Variants in FHIT observed in about 807,000 individuals in gnomAD.
The protein encoded by FHIT is fragile histidine triad diadenosine triphosphatase, also known as bis(5'-adenosyl)-triphosphatase.
A neutral mutation model predicts 17.9 loss-of-function variants in FHIT; 19 were observed. That is an observed-to-expected ratio of 1.06 (90% CI 0.74 to 1.56). The LOEUF is 1.56. FHIT is among the 40% of genes most tolerant of loss of function. The probability of loss-of-function intolerance (pLI) is 0.00; values close to 1 mark genes in which losing one functional copy is unlikely to be tolerated. For synonymous variants in FHIT, 81 were observed against 69.7 expected (o/e 1.16, Z -0.81); for missense variants, 248 against 189.2 (o/e 1.31, Z -1.82).
intron 5 of FHIT, among the ~76,000 whole-genome samples, chr3:60,027,149 A>AAAAAAAAAG (rs1700786619): frequency 9.1e-6 from 1 of 109,758 alleles, no homozygotes; most frequent in Non-Finnish European, 1.8e-5. Context: ...ACACACACAC[A>AAAAAAAAAG]AAATTAGTAA....
intron 4 of FHIT, among the ~76,000 whole-genome samples, chr3:60,707,106 G>A (rs142203270): frequency 6.6e-6 from 1 of 152,246 alleles, no homozygotes; most frequent in African/African-American, 2.4e-5. Context: ...AAATATTTCT[G>A]TAGGCATGAC....
At chr3:59,998,084 T>C (rs1699587873) in intron 7 of FHIT, among the ~76,000 whole-genome samples, 1 of 148,476 alleles carries the variant, frequency 6.7e-6, no homozygotes, top group Non-Finnish European at 1.5e-5. Flanking sequence ...TAGCCACTTC[T>C]ACACAGATCA....
chr3:59,766,645 G>A (rs1212126092), intron 8 of FHIT, among the ~76,000 whole-genome samples: 3 of 151,986 alleles, frequency 2.0e-5, no homozygotes, highest in Admixed American at 1.3e-4. Context: ...TATACATTTC[G>A]CATGCTTTCC....
chr3:59,867,309 T>C (rs1309698131), intron 8 of FHIT, among the ~76,000 whole-genome samples: 1 of 151,196 alleles, frequency 6.6e-6, no homozygotes, highest in East Asian at 2.0e-4. Context: ...AAAAGGATGA[T>C]TTCTAAGAAG....
intron 5 of FHIT, among the ~76,000 whole-genome samples, chr3:60,247,087 C>G (rs1705435002): frequency 6.6e-6 from 1 of 152,092 alleles, no homozygotes; most frequent in Non-Finnish European, 1.5e-5. Flanking sequence ...GATGTGTCAG[C>G]TCATCAACTG....
intron 4 of FHIT, among the ~76,000 whole-genome samples, chr3:60,614,669 T>C (rs952950948): frequency 2.0e-5 from 3 of 152,078 alleles, no homozygotes; most frequent in Admixed American, 2.0e-4. Flanking sequence ...GTATTCTATT[T>C]GGACATTACA....
intron 7 of FHIT, among the ~76,000 whole-genome samples, chr3:59,944,087 A>T (rs561913567): frequency 6.6e-6 from 1 of 152,256 alleles, no homozygotes; most frequent in African/African-American, 2.4e-5. Context: ...AAGTTTTAGA[A>T]ACACTTGCTT....
At chr3:60,250,971 T>C (rs1226826586) in intron 5 of FHIT, among the ~76,000 whole-genome samples, 2 of 152,170 alleles carry the variant, frequency 1.3e-5, no homozygotes, top group East Asian at 1.9e-4. Context: ...AGAGGTGACA[T>C]TATGATTGCT....
chr3:61,199,576 G>A (rs897370307), intron 2 of FHIT, among the ~76,000 whole-genome samples: 2 of 151,946 alleles, frequency 1.3e-5, no homozygotes, highest in Admixed American at 6.6e-5. Context: ...TATCTAAAAG[G>A]GGTTTTCTCC....
intron 7 of FHIT, among the ~76,000 whole-genome samples, chr3:59,973,903 A>G (rs925396845): frequency 2.6e-5 from 4 of 151,948 alleles, no homozygotes; most frequent in Non-Finnish European, 5.9e-5. Flanking sequence ...TTGTGGTACT[A>G]TTAAGTAGGA....
chr3:60,341,629 G>C (rs1367266943), intron 5 of FHIT, among the ~76,000 whole-genome samples: 6 of 152,044 alleles, frequency 3.9e-5, no homozygotes, highest in Non-Finnish European at 8.8e-5. Context: ...GGTAGGAAAT[G>C]CTATATGCTT....
chr3:61,092,817 T>C (rs549177536), intron 2 of FHIT, among the ~76,000 whole-genome samples: 1 of 152,084 alleles, frequency 6.6e-6, no homozygotes, highest in Non-Finnish European at 1.5e-5. Context: ...TGAGAAAGGA[T>C]TGACAATAAA....
chr3:60,600,125 C>T (rs1553668252), intron 4 of FHIT, among the ~76,000 whole-genome samples: 1 of 152,124 alleles, frequency 6.6e-6, no homozygotes, highest in African/African-American at 2.4e-5. Context: ...GCCCAGAAGG[C>T]ACTTAGAGCT....
At chr3:60,442,138 GCATAAGC>G (rs1402643760) in intron 5 of FHIT, among the ~76,000 whole-genome samples, 2 of 151,874 alleles carry the variant, frequency 1.3e-5, no homozygotes, top group East Asian at 3.9e-4. Flanking sequence ...GGGATTGCAG[GCATAAGC>G]CACCATGCCC....
At chr3:59,913,168 T>C (rs1371010102) in intron 8 of FHIT, among the ~76,000 whole-genome samples, 4 of 152,172 alleles carry the variant, frequency 2.6e-5, no homozygotes, top group African/African-American at 9.7e-5. Flanking sequence ...CTAGGACTTA[T>C]AAATTTATTG....
chr3:61,187,882 A>G (rs1163006253), intron 2 of FHIT, among the ~76,000 whole-genome samples: 1 of 152,228 alleles, frequency 6.6e-6, no homozygotes, highest in East Asian at 1.9e-4. Flanking sequence ...TTTGAAACCA[A>G]TGAGAACAAA....
intron 4 of FHIT, among the ~76,000 whole-genome samples, chr3:60,807,839 T>TAA (rs34126858): frequency 0.31 from 45,762 of 146,404 alleles, 7,575 homozygotes; most frequent in Middle Eastern, 0.4. Flanking sequence ...CAAATTTTAC[T>TAA]AAAAAAAAAA....
chr3:60,406,135 T>C (rs1206787904), intron 5 of FHIT, among the ~76,000 whole-genome samples: 1 of 152,234 alleles, frequency 6.6e-6, no homozygotes, highest in Non-Finnish European at 1.5e-5. Flanking sequence ...GCTGATATTA[T>C]ATATGCTCCA....
chr3:61,097,245 G>A (rs375262268), intron 2 of FHIT, among the ~76,000 whole-genome samples: 152 of 152,228 alleles, frequency 1.0e-3, no homozygotes, highest in African/African-American at 3.4e-3. Context: ...GTGGGTGCAG[G>A]ACAGTGGGTG....
Sources: gnomAD v4.1 joint callset for allele counts (sites outside exome capture counted in the v4.1 genomes callset) on GRCh38, gnomAD v4.1.1 for gene constraint, MANE v1.5 for transcripts, NCBI Gene and HGNC (gene_info 2026-07-23, HGNC 2026-07-21) for gene names.